KLHL42: variants seen among roughly 807,000 people sequenced by gnomAD.
The protein encoded by KLHL42 is kelch-like protein 42.
In KLHL42, 27 loss-of-function variants were observed where a neutral mutation model predicts 32.7. The observed-to-expected ratio is 0.83, with a 90% confidence interval of 0.61 to 1.14. The LOEUF is 1.14. KLHL42 is among the 50% of genes most tolerant of loss of function. KLHL42 has a pLI of 0.00. For synonymous variants in KLHL42, 267 were observed against 248.2 expected (o/e 1.08, Z -0.71); for missense variants, 491 against 560.8 (o/e 0.88, Z 1.26).
chr12:27,781,321 C>T (rs1057183300), intron 1 of KLHL42, 119 bp downstream of exon 1: 30 of 1,218,608 alleles, frequency 2.5e-5, no homozygotes, highest in Non-Finnish European at 3.3e-5. Context: ...GAAATGACAT[C>T]TTCAGGAATG....
At chr12:27,781,766 G>A (rs2062149827) in intron 1 of KLHL42, among the ~76,000 whole-genome samples, 1 of 152,098 alleles carries the variant, frequency 6.6e-6, no homozygotes, top group Admixed American at 6.6e-5. Flanking sequence ...TCCTTCCCTG[G>A]ACAGCCATCG....
In KLHL42 at chr12:27,798,416, A is replaced by G. The variant is rs1447622175; in HGVS notation, c.*250A>G. 2.2e-6 allele frequency: 1 copy of G among 446,722 alleles called. No homozygotes were observed. The highest frequency in any genetic ancestry group is 2.0e-5 in the African/African-American group (1 of 50,194). The allele number at this position is 446,722 out of a possible 1,614,324, so 27.7% of individuals were successfully genotyped here. A position where few individuals can be genotyped will look rare whatever the true frequency, so the allele number is the denominator to read the frequency against. ...GAGCAAATCCATCTCCAAACATGAT[A>G]CTCTTGGGCCAATGACGGATCATCA... On this transcript the variant is annotated 3_prime_UTR_variant, in exon 3 of 3. Coordinates refer to ENST00000381271, the MANE Select transcript of KLHL42 (RefSeq NM_020782.2).
chr12:27,791,835 C>G lies in KLHL42; in HGVS notation c.1000C>G (p.Leu334Val). The G allele has an allele frequency of 1.9e-6, 3 of 1,614,166 alleles. 1 individual carries two copies. Among genetic ancestry groups the G allele is most frequent in the East Asian group, 4.5e-5 (2 of 44,888 alleles). Residue 334 changes from leucine (L) to valine (V), a missense_variant, in exon 2 of 3, where the codon CTG becomes GTG. Around this residue, in one of 4 missense-constraint regions of KLHL42, gnomAD observed 152 missense variants for 125.9 expected, o/e 1.21. Coordinates refer to ENST00000381271, the MANE Select transcript of KLHL42 (RefSeq NM_020782.2). ...WNFVAPLPNP[L>V]AEFSACECKG... ...TTTTGTGGCGCCCTTACCCAATCCTCTGGCTGAGTTCTCTGCCTGTGAGTG... is the reference window on the plus strand; with the variant it reads ...TTTTGTGGCGCCCTTACCCAATCCTGTGGCTGAGTTCTCTGCCTGTGAGTG...
In KLHL42 at chr12:27,798,394, C is replaced by T. The variant is rs554847474; in HGVS notation, c.*228C>T. The T allele has an allele frequency of 9.2e-5, 45 of 489,172 alleles. No individual in the cohort carries two copies. In the South Asian group the frequency reaches 1.2e-3, roughly 13 times the overall value. The allele number at this position is 489,172 out of a possible 1,614,324, so 30.3% of individuals were successfully genotyped here. On this transcript the variant is annotated 3_prime_UTR_variant, in exon 3 of 3. Coordinates refer to ENST00000381271, the MANE Select transcript of KLHL42 (RefSeq NM_020782.2). ...ATTATTGATTTTTAAATTATGGGAG[C>T]AAATCCATCTCCAAACATGATACTC...
chr12:27,784,792 T>C (rs898070686), intron 1 of KLHL42, among the ~76,000 whole-genome samples: 6 of 152,210 alleles, frequency 3.9e-5, no homozygotes. Context: ...CCAAACCTAA[T>C]GGGCAAAAAC....
intron 1 of KLHL42, chr12:27,787,797 C>G (rs2062179585): frequency 6.7e-6 from 1 of 148,334 alleles, no homozygotes; most frequent in African/African-American, 2.6e-5. Flanking sequence ...GTCCCTTCTC[C>G]TCTCAGCCAA....
chr12:27,792,137 GAA>G, intron 2 of KLHL42: 1 of 294,916 alleles, frequency 3.4e-6, no homozygotes, highest in East Asian at 5.8e-5. Context: ...GGAGAGCTGT[GAA>G]AAAAAAATGT....
chr12:27,780,962 C>T lies in KLHL42; in HGVS notation c.632C>T (p.Pro211Leu). 6.2e-7 allele frequency: 1 copy of T among 1,600,474 alleles called. No homozygotes were observed. Among genetic ancestry groups the T allele is most frequent in the Non-Finnish European group, 8.5e-7 (1 of 1,170,586 alleles). ...DFLGGPLAPHPYQGEPPSMLR... is the reference protein window; with the variant it reads ...DFLGGPLAPHLYQGEPPSMLR... ...CTGGGGGGACCCCTGGCCCCTCACC[C>T]CTACCAGGGGGAGCCCCCGTCCATG... Residue 211 changes from proline (P) to leucine (L), a missense_variant, in exon 1 of 3, where the codon CCC becomes CTC. Transcript: ENST00000381271. The surrounding 1 kb of genome is among the most constrained non-coding windows in gnomAD (Gnocchi z 8.8).
rs1003778320 is a variant in KLHL42, at chr12:27,801,581, C to T, written c.*3415C>T. 2.6e-4 allele frequency: 39 copies of T among 152,300 alleles called. No homozygotes were observed. The highest frequency in any genetic ancestry group is 7.2e-4 in the African/African-American group (30 of 41,546). The allele number at this position is 152,300 out of a possible 1,614,324, so 9.4% of individuals were successfully genotyped here. ...GACCAGGAATGGGGAATATATAACA[C>T]CTGTGCCACCGCTCTTTTAAGGAGG... On this transcript the variant is annotated 3_prime_UTR_variant, in exon 3 of 3. Transcript: ENST00000381271.
chr12:27,800,445 T>A lies in KLHL42; in HGVS notation c.*2279T>A, dbSNP rs2062241456. On this transcript the variant is annotated 3_prime_UTR_variant, in exon 3 of 3. Coordinates refer to ENST00000381271, the MANE Select transcript of KLHL42 (RefSeq NM_020782.2). ...TTTGGTTATTCTGGGCTGCCAGCAG[T>A]ACGTGGGAAAGGTGGAATGTGCAAT... The A allele has an allele frequency of 1.1e-6, 1 of 887,966 alleles. No homozygotes were observed. The highest frequency in any genetic ancestry group is 1.3e-6 in the Non-Finnish European group (1 of 741,330). The allele number at this position is 887,966 out of a possible 1,614,324, so 55.0% of individuals were successfully genotyped here.
Position 27,780,362 on chromosome 12 carries a change from T to C in KLHL42, c.32T>C (p.Leu11Pro). 6.3e-7 allele frequency: 1 copy of C among 1,582,706 alleles called. No individual in the cohort carries two copies. Among genetic ancestry groups the C allele is most frequent in the East Asian group, 2.4e-5 (1 of 42,458 alleles). Residue 11 changes from leucine (L) to proline (P), a missense_variant, in exon 1 of 3, where the codon CTG becomes CCG. Physicochemically the swap from Leu to Pro is moderately conservative, Grantham distance 98. This residue lies in a region of KLHL42 where 88 missense variants were observed against 89.0 expected (regional missense o/e 0.99). Coordinates refer to ENST00000381271, the MANE Select transcript of KLHL42 (RefSeq NM_020782.2). This position sits in a 1 kb window ranked among gnomAD's most constrained non-coding sequence, Gnocchi z 8.8. The part of the protein sequence containing the change: MSAEEMVQIR[L>P]EDRCYPVSKR... ...GCCGAGGAGATGGTGCAGATCCGCC[T>C]GGAGGACCGCTGCTACCCGGTGAGC...
rs779004279 is a variant in KLHL42, at chr12:27,797,717, C to T, written c.1069C>T (p.Arg357Trp). The T allele has an allele frequency of 4.4e-6, 3 of 687,400 alleles. No individual in the cohort carries two copies. The highest frequency in any genetic ancestry group is 2.2e-5 in the Admixed American group (1 of 45,630). 42.6% of individuals were successfully genotyped at this position (687,400 alleles called of 1,614,324 possible). A position where few individuals can be genotyped will look rare whatever the true frequency, so the allele number is the denominator to read the frequency against. ...YVIGGYTTRD[R>W]NMNILQYCPS... ...TCACTTGTCTTTCTTTCTTTCAGAC[C>T]GGAACATGAACATTTTGCAGTACTG... Residue 357 changes from arginine to tryptophan, a missense_variant and splice_region_variant, in exon 3 of 3, where the codon CGG becomes TGG. By Grantham distance (101) the Arg-to-Trp change is moderately radical. Coordinates refer to ENST00000381271, the MANE Select transcript of KLHL42 (RefSeq NM_020782.2).
rs2062235280 is a variant in KLHL42, at chr12:27,799,595, A to G, written c.*1429A>G. The G allele has an allele frequency of 6.6e-6, 1 of 152,494 alleles. No individual in the cohort carries two copies. The highest frequency in any genetic ancestry group is 1.5e-5 in the Non-Finnish European group (1 of 68,034). The allele number at this position is 152,494 out of a possible 1,614,324, so 9.4% of individuals were successfully genotyped here. A position where few individuals can be genotyped will look rare whatever the true frequency, so the allele number is the denominator to read the frequency against. On this transcript the variant is annotated 3_prime_UTR_variant, in exon 3 of 3. Coordinates refer to ENST00000381271, the MANE Select transcript of KLHL42 (RefSeq NM_020782.2). ...GAATTCATGCATTCAACAAACACTT[A>G]TGAGTGCCTGGAGTATGCCGTCCAC...
At position 27,798,367 on chromosome 12, in the gene KLHL42, A is replaced by G; in HGVS notation, c.*201A>G. On this transcript the variant is annotated 3_prime_UTR_variant, in exon 3 of 3. Transcript: ENST00000381271. ...AAAGAGACCAACTTTGTTATTTTTT[A>G]AATTATTGATTTTTAAATTATGGGA... 1.9e-6 allele frequency: 1 copy of G among 534,236 alleles called. No homozygotes were observed. The allele number at this position is 534,236 out of a possible 1,614,324, so 33.1% of individuals were successfully genotyped here.
intron 2 of KLHL42, among the ~76,000 whole-genome samples, chr12:27,792,719 C>T (rs917932085): frequency 2.0e-5 from 3 of 152,008 alleles, no homozygotes; most frequent in Non-Finnish European, 4.4e-5. Context: ...GATGGGGTTT[C>T]ACCATGTTGG....
Position 27,800,132 on chromosome 12 carries a change from A to G in KLHL42, c.*1966A>G. ...GTCCTATACATTTAGAAGATGAGTC[A>G]GTTGAATTAGTACTGGACAAACAGT... On this transcript the variant is annotated 3_prime_UTR_variant, in exon 3 of 3. Coordinates refer to ENST00000381271, the MANE Select transcript of KLHL42 (RefSeq NM_020782.2). 1 of 985,160 alleles carries G rather than the reference A, an allele frequency of 1.0e-6. No homozygotes were observed. The highest frequency in any genetic ancestry group is 1.2e-6 in the Non-Finnish European group (1 of 829,636). 61.0% of individuals were successfully genotyped at this position (985,160 alleles called of 1,614,324 possible). A position where few individuals can be genotyped will look rare whatever the true frequency, so the allele number is the denominator to read the frequency against.
At chr12:27,788,571 C>T (rs948791905) in intron 1 of KLHL42, among the ~76,000 whole-genome samples, 3 of 152,128 alleles carry the variant, frequency 2.0e-5, no homozygotes, top group Admixed American at 6.6e-5. Flanking sequence ...AAGCCACGCA[C>T]GGTGGCCTAG....
rs2062236646 is a variant in KLHL42, at chr12:27,799,854, A to G, written c.*1688A>G. ...CTTGTCACCAAATAATCTTACCTCT[A>G]GTCTACTTACAACTTTGTAAGGGTT... On this transcript the variant is annotated 3_prime_UTR_variant, in exon 3 of 3. Coordinates refer to ENST00000381271, the MANE Select transcript of KLHL42 (RefSeq NM_020782.2). 6.0e-6 allele frequency: 2 copies of G among 333,344 alleles called. No homozygotes were observed. Among genetic ancestry groups the G allele is most frequent in the South Asian group, 1.2e-4 (1 of 8,252 alleles). 20.6% of individuals were successfully genotyped at this position (333,344 alleles called of 1,614,324 possible).
At chr12:27,795,779 A>AGAGT (rs1362083963) in intron 2 of KLHL42, among the ~76,000 whole-genome samples, 1 of 152,222 alleles carries the variant, frequency 6.6e-6, no homozygotes, top group Non-Finnish European at 1.5e-5. Context: ...AGTTCAATAG[A>AGAGT]GAGTAATAGC....
Sources: gnomAD v4.1 joint callset for allele counts (sites outside exome capture counted in the v4.1 genomes callset) on GRCh38, gnomAD v4.1.1 for gene constraint, gnomAD v4.1.1 regional missense constraint, Gnocchi (gnomAD v3.1) non-coding constraint, MANE v1.5 for transcripts, NCBI Gene and HGNC (gene_info 2026-07-23, HGNC 2026-07-21) for gene names.